COG5: variants seen among roughly 807,000 people sequenced by gnomAD.
The protein encoded by COG5 is conserved oligomeric Golgi complex subunit 5.
A neutral mutation model predicts 110.4 loss-of-function variants in COG5; 86 were observed. The ratio of observed to expected loss-of-function variants is 0.78; its 90% CI spans 0.65 to 0.93. The LOEUF (loss-of-function observed/expected upper bound fraction) is 0.93, where lower values mean the gene tolerates loss of function less well. COG5 is among the 40% of genes least tolerant of loss of function. COG5 has a pLI of 0.00. For missense variants in COG5, 1,077 were observed against 987.0 expected, an observed-to-expected ratio of 1.09 and a Z score of -1.22; for synonymous variants, 360 against 334.6, an observed-to-expected ratio of 1.08 and a Z score of -0.83.
At chr7:107,414,023 A>G (rs1792511779) in intron 6 of COG5, among the ~76,000 whole-genome samples, 2 of 152,200 alleles carry the variant, frequency 1.3e-5, no homozygotes, top group Admixed American at 1.3e-4. Context: ...AAAAGAATAG[A>G]GCTTATATTC....
intron 6 of COG5, among the ~76,000 whole-genome samples, chr7:107,469,766 C>G (rs1285942777): frequency 6.6e-5 from 10 of 151,930 alleles, no homozygotes; most frequent in Admixed American, 6.6e-4. Flanking sequence ...TAATTCTTTC[C>G]TGTTCCCCCA....
intron 6 of COG5, among the ~76,000 whole-genome samples, chr7:107,511,991 A>T (rs1176270682): frequency 6.6e-6 from 1 of 152,234 alleles, no homozygotes; most frequent in African/African-American, 2.4e-5. Flanking sequence ...GGCACAAGAC[A>T]GGGATGCCCT....
intron 7 of COG5, among the ~76,000 whole-genome samples, chr7:107,408,722 C>A (rs752632173): frequency 6.6e-6 from 1 of 152,068 alleles, no homozygotes; most frequent in African/African-American, 2.4e-5. Context: ...TGCCAAAAGG[C>A]AGAACAGGGG....
At chr7:107,280,898 A>G (rs1805111299) in intron 14 of COG5, among the ~76,000 whole-genome samples, 2 of 151,992 alleles carry the variant, frequency 1.3e-5, no homozygotes, top group African/African-American at 4.8e-5. Flanking sequence ...GTTCAAGTCA[A>G]TTTCATACTA....
At chr7:107,319,564 A>C (rs543826002) in intron 11 of COG5, among the ~76,000 whole-genome samples, 50 of 152,166 alleles carry the variant, frequency 3.3e-4, no homozygotes. Context: ...TCACAGTTCT[A>C]TATTGCCTGT....
chr7:107,522,070 C>T (rs2520256), intron 6 of COG5, among the ~76,000 whole-genome samples: 28,646 of 151,906 alleles, frequency 0.19, 3,214 homozygotes, highest in East Asian at 0.33. Context: ...AGTTGAACAA[C>T]GAGAACACTT....
At chr7:107,347,700 T>C (rs748848236) in intron 10 of COG5, among the ~76,000 whole-genome samples, 9 of 152,198 alleles carry the variant, frequency 5.9e-5, no homozygotes, top group South Asian at 2.1e-4. Flanking sequence ...AATAGTACAA[T>C]TGTTATGTGT....
At position 107,202,161 on chromosome 7, in the gene COG5, G is replaced by A. The variant is rs566069137; in HGVS notation, c.*1355C>T. Reference sequence around the variant, plus strand: ...ACTGTAATGGTGCTATTAACAAACAGTCAACACCATTGTATTTTTTAACTT... The same window carrying A: ...ACTGTAATGGTGCTATTAACAAACAATCAACACCATTGTATTTTTTAACTT... On this transcript the variant is annotated 3_prime_UTR_variant, in exon 22 of 22. Coordinates refer to ENST00000297135, the MANE Select transcript of COG5 (RefSeq NM_006348.5). The A allele has an allele frequency of 1.3e-5, 2 of 152,786 alleles. No homozygotes were observed. The highest frequency in any genetic ancestry group is 4.1e-4 in the South Asian group (2 of 4,832). The allele number at this position is 152,786 out of a possible 1,614,324, so 9.5% of individuals were successfully genotyped here.
In COG5 at chr7:107,361,454, TTA is replaced by T. The variant is rs563887148; in HGVS notation, c.1026+577_1026+578del. Among the ~76,000 whole-genome samples the T allele has an allele frequency of 2.4e-4, 36 of 152,330 alleles. No homozygotes were observed. The South Asian group carries it at 7.5e-3, about 32-fold the overall frequency. On this transcript the variant is annotated intron_variant, in intron 10 of 21. Transcript: ENST00000297135. ...TTTTAAAGCACTTATAAGCTGTCAT[TTA>T]TATGACAGAAAATGAGAAATTAGTA...
intron 5 of COG5, among the ~76,000 whole-genome samples, chr7:107,532,827 T>C (rs988764458): frequency 3.9e-5 from 6 of 152,112 alleles, no homozygotes; most frequent in Non-Finnish European, 8.8e-5. Context: ...TGGCAGAAAA[T>C]AGTTTTTAAA....
intron 6 of COG5, among the ~76,000 whole-genome samples, chr7:107,442,139 A>G (rs1191065163): frequency 6.6e-6 from 1 of 152,146 alleles, no homozygotes; most frequent in African/African-American, 2.4e-5. Context: ...ATGTTGGCAG[A>G]CATCCCCCCC....
Position 107,297,185 on chromosome 7 carries a change from T to C in COG5, c.1313+957A>G, listed in dbSNP as rs953021076. ...ATCCAAGGATTAAACCAACCATGGA[T>C]TGAAAACCTATTTAGGCCTACAATG... On this transcript the variant is annotated intron_variant, in intron 12 of 21. Coordinates refer to ENST00000297135, the MANE Select transcript of COG5 (RefSeq NM_006348.5). 8.5e-5 allele frequency among the ~76,000 whole-genome samples: 13 copies of C among 152,306 alleles called. 1 individual carries two copies. The highest frequency in any genetic ancestry group is 5.8e-4 in the East Asian group (3 of 5,176).
chr7:107,240,541 G>T (rs936728824), intron 17 of COG5, among the ~76,000 whole-genome samples: 1 of 152,168 alleles, frequency 6.6e-6, no homozygotes, highest in Non-Finnish European at 1.5e-5. Flanking sequence ...AATAGCAGGG[G>T]AGTCTGTAAC....
At chr7:107,509,184 A>G (rs1799287484) in intron 6 of COG5, among the ~76,000 whole-genome samples, 1 of 152,194 alleles carries the variant, frequency 6.6e-6, no homozygotes, top group African/African-American at 2.4e-5. Flanking sequence ...AGAATAACCA[A>G]TGCAGAGAAG....
chr7:107,422,142 A>G (rs146625457), intron 6 of COG5, among the ~76,000 whole-genome samples: 110 of 152,296 alleles, frequency 7.2e-4, no homozygotes, highest in African/African-American at 2.5e-3. Flanking sequence ...AGAAAAATCA[A>G]TCAAACCAAA....
chr7:107,291,849 C>G (rs1207158382), intron 12 of COG5, among the ~76,000 whole-genome samples: 1 of 152,178 alleles, frequency 6.6e-6, no homozygotes, highest in Admixed American at 6.5e-5. Flanking sequence ...GCTATCTTCA[C>G]TAGAACTACA....
At chr7:107,225,871 C>T (rs1562921409) in intron 19 of COG5, among the ~76,000 whole-genome samples, 4 of 152,058 alleles carry the variant, frequency 2.6e-5, no homozygotes, top group Middle Eastern at 3.4e-3. Flanking sequence ...GGTGAAACCC[C>T]GTCTCTACTA....
chr7:107,248,436 C>G lies in COG5; in HGVS notation c.1813G>C (p.Glu605Gln), dbSNP rs1802216144. Residue 605 changes from glutamate to glutamine, a missense_variant, in exon 17 of 22, where the codon GAG becomes CAG. Transcript: ENST00000297135. The stretch of plus-strand genomic sequence containing the variant: ...TGATGCATGGTGATGATTATGGCCT[C>G]TATAGCATCTCCCACAGAAGTGAGT... ...PLLTSVGDAIEAIIITMHQED... is the reference protein window; with the variant it reads ...PLLTSVGDAIQAIIITMHQED... The G allele has an allele frequency of 2.5e-6, 4 of 1,611,832 alleles. No individual in the cohort carries two copies. The highest frequency in any genetic ancestry group is 3.4e-6 in the Non-Finnish European group (4 of 1,179,160).
At position 107,415,415 on chromosome 7, in the gene COG5, T is replaced by A. The variant is rs185230039; in HGVS notation, c.539-2783A>T. ...AAGAAGGCAGAGCATTGCCATTTTT[T>A]AAAAACAAACCTTGTAGAGCTATTT... On this transcript the variant is annotated intron_variant, in intron 6 of 21. Coordinates refer to ENST00000297135, the MANE Select transcript of COG5 (RefSeq NM_006348.5). Among the ~76,000 whole-genome samples, 146 of 152,260 alleles carry A rather than the reference T, an allele frequency of 9.6e-4. 3 individuals carry two copies. The South Asian group carries it at 0.022, about 23-fold the overall frequency.
Sources: allele counts gnomAD v4.1 joint callset (sites outside exome capture counted in the v4.1 genomes callset), GRCh38; gene constraint gnomAD v4.1.1; transcripts MANE v1.5; gene names NCBI Gene and HGNC (gene_info 2026-07-23, HGNC 2026-07-21).